Variants in ST6GALNAC5 observed in about 807,000 individuals in gnomAD.
ST6GALNAC5 encodes the protein alpha-N-acetylgalactosaminide alpha-2,6-sialyltransferase 5.
Under a neutral mutation model 33.6 loss-of-function variants are expected in ST6GALNAC5, and 27 were observed. The ratio of observed to expected loss-of-function variants is 0.80; its 90% CI spans 0.59 to 1.11. The LOEUF (loss-of-function observed/expected upper bound fraction) is 1.11, where lower values mean the gene tolerates loss of function less well. ST6GALNAC5 is among the 50% of genes least tolerant of loss of function. The pLI, the probability that ST6GALNAC5 is intolerant of heterozygous loss-of-function variation, is 0.00. For synonymous variants in ST6GALNAC5, 194 were observed against 171.2 expected (o/e 1.13, Z -1.04); for missense variants, 428 against 454.0 (o/e 0.94, Z 0.52).
At chr1:76,915,034 T>C (rs1217123494) in intron 2 of ST6GALNAC5, among the ~76,000 whole-genome samples, 1 of 151,536 alleles carries the variant, frequency 6.6e-6, no homozygotes, top group Admixed American at 6.6e-5. Flanking sequence ...GGGCAAAGGA[T>C]ATGAACAGAC....
intron 2 of ST6GALNAC5, among the ~76,000 whole-genome samples, chr1:76,983,580 C>A (rs1280896342): frequency 6.6e-6 from 1 of 152,086 alleles, no homozygotes; most frequent in Non-Finnish European, 1.5e-5. Flanking sequence ...TTTTAACACC[C>A]CACTGTCAAT....
At chr1:76,953,969 T>C (rs183318184) in intron 2 of ST6GALNAC5, among the ~76,000 whole-genome samples, 1 of 152,290 alleles carries the variant, frequency 6.6e-6, no homozygotes, top group African/African-American at 2.4e-5. Context: ...TTAAAAATAA[T>C]GCTTGTGCGT....
chr1:77,007,273 T>C (rs901288287), intron 2 of ST6GALNAC5, among the ~76,000 whole-genome samples: 4 of 152,234 alleles, frequency 2.6e-5, no homozygotes, highest in African/African-American at 7.2e-5. Context: ...AATCTGTGAA[T>C]GGAGCATAAT....
Position 77,028,463 on chromosome 1 carries a change from G to A in ST6GALNAC5, c.262-15741G>A, listed in dbSNP as rs116400378. Among the ~76,000 whole-genome samples, 409 of 152,320 alleles carry A rather than the reference G, an allele frequency of 2.7e-3. 4 individuals carry two copies. The highest frequency in any genetic ancestry group is 9.6e-3 in the African/African-American group (399 of 41,564). ...ATAGTCCTTCAAGTGACACATGAAC[G>A]AATGGAAAGCCGAAACCCACTTTCT... On this transcript the variant is annotated intron_variant, in intron 2 of 4. Transcript: ENST00000477717.
Position 76,868,736 on chromosome 1 carries a change from C to A in ST6GALNAC5, c.255C>A (p.Asp85Glu). 1 of 1,505,668 alleles carries A rather than the reference C, an allele frequency of 6.6e-7. No homozygotes were observed. Among genetic ancestry groups the A allele is most frequent in the Non-Finnish European group, 8.8e-7 (1 of 1,130,122 alleles). The allele number at this position is 1,505,668 out of a possible 1,614,324, so 93.3% of individuals were successfully genotyped here. A position where few individuals can be genotyped will look rare whatever the true frequency, so the allele number is the denominator to read the frequency against. Residue 85 changes from aspartate (D) to glutamate (E), a missense_variant, in exon 2 of 5, where the codon GAC becomes GAA. Coordinates refer to ENST00000477717, the MANE Select transcript of ST6GALNAC5 (RefSeq NM_030965.3). The surrounding 1 kb of genome is among the most constrained non-coding windows in gnomAD (Gnocchi z 4.3). Reference sequence around the variant, plus strand: ...TGGACGGATACCTCGGAGTGGCGGACCACAAGGTGACAGCATGCCCGCCAG... The same window carrying A: ...TGGACGGATACCTCGGAGTGGCGGAACACAAGGTGACAGCATGCCCGCCAG... The part of the protein sequence containing the change: ...RPLDGYLGVA[D>E]HKPLKMHCRD...
At chr1:77,054,838 G>C (rs1368240746) in intron 4 of ST6GALNAC5, among the ~76,000 whole-genome samples, 1 of 152,006 alleles carries the variant, frequency 6.6e-6, no homozygotes, top group Admixed American at 6.6e-5. Context: ...CCCCCTAAAA[G>C]TATTAAGCCC....
intron 2 of ST6GALNAC5, among the ~76,000 whole-genome samples, chr1:76,873,512 G>A (rs762225954): frequency 6.6e-5 from 10 of 152,128 alleles, no homozygotes; most frequent in Non-Finnish European, 1.3e-4. Flanking sequence ...AAGAAAGAAG[G>A]GAGTGAAGGT....
chr1:77,049,622 A>T (rs1652152620), intron 3 of ST6GALNAC5, among the ~76,000 whole-genome samples: 1 of 152,168 alleles, frequency 6.6e-6, no homozygotes. Flanking sequence ...AAATTTTCTG[A>T]TATGTAAAAT....
chr1:76,910,797 C>T (rs1455298379), intron 2 of ST6GALNAC5, among the ~76,000 whole-genome samples: 1 of 151,866 alleles, frequency 6.6e-6, no homozygotes, highest in Non-Finnish European at 1.5e-5. Context: ...AATTTATATG[C>T]CTTTCAAAAT....
At position 76,972,820 on chromosome 1, in the gene ST6GALNAC5, T is replaced by C. The variant is rs1033098775; in HGVS notation, c.262-71384T>C. Among the ~76,000 whole-genome samples the C allele has an allele frequency of 6.6e-5, 10 of 152,200 alleles. 1 individual carries two copies. Among genetic ancestry groups the C allele is most frequent in the Middle Eastern group, 3.2e-3 (1 of 316 alleles). ...TGAGTCTGCTTATTTTTACCTATCC[T>C]CACCCACAGTGCCTAATACATTTAG... On this transcript the variant is annotated intron_variant, in intron 2 of 4. Transcript: ENST00000477717.
In ST6GALNAC5 at chr1:76,868,888, C is replaced by T; in HGVS notation, c.261+146C>T. 1 of 1,259,236 alleles carries T rather than the reference C, an allele frequency of 7.9e-7. No individual in the cohort carries two copies. Among genetic ancestry groups the T allele is most frequent in the South Asian group, 1.7e-5 (1 of 60,122 alleles). 78.0% of individuals were successfully genotyped at this position (1,259,236 alleles called of 1,614,324 possible). A position where few individuals can be genotyped will look rare whatever the true frequency, so the allele number is the denominator to read the frequency against. On this transcript the variant is annotated intron_variant, in intron 2 of 4. Coordinates refer to ENST00000477717, the MANE Select transcript of ST6GALNAC5 (RefSeq NM_030965.3). The surrounding 1 kb of genome is among the most constrained non-coding windows in gnomAD (Gnocchi z 4.3). ...AGTGGACCCGCTGGGGTAGGGTGGGCTAGTTCCAACTTGGTATGAATTCTT... is the reference window on the plus strand; with the variant it reads ...AGTGGACCCGCTGGGGTAGGGTGGGTTAGTTCCAACTTGGTATGAATTCTT...
At chr1:76,888,614 CT>C (rs937428844) in intron 2 of ST6GALNAC5, among the ~76,000 whole-genome samples, 1 of 151,226 alleles carries the variant, frequency 6.6e-6, no homozygotes, top group African/African-American at 2.4e-5. Flanking sequence ...GTGCTTTGGG[CT>C]TTTTTTTAAA....
At chr1:76,957,235 G>A (rs1412028231) in intron 2 of ST6GALNAC5, among the ~76,000 whole-genome samples, 1 of 152,164 alleles carries the variant, frequency 6.6e-6, no homozygotes, top group Non-Finnish European at 1.5e-5. Context: ...AGGCTCCAGG[G>A]AAGGATCCTT....
intron 2 of ST6GALNAC5, among the ~76,000 whole-genome samples, chr1:76,990,070 G>C (rs999716727): frequency 2.0e-5 from 3 of 152,094 alleles, no homozygotes; most frequent in African/African-American, 7.2e-5. Context: ...CTCTCCTGAA[G>C]TTTATTTAAC....
intron 2 of ST6GALNAC5, among the ~76,000 whole-genome samples, chr1:77,007,301 A>G (rs542270935): frequency 1.1e-4 from 16 of 152,372 alleles, no homozygotes; most frequent in Non-Finnish European, 1.6e-4. Context: ...GAAGTTGCAT[A>G]GAGCCCTCTG....
chr1:77,044,206 C>T lies in ST6GALNAC5; in HGVS notation c.264C>T (p.Pro88=). 6.3e-7 allele frequency: 1 copy of T among 1,595,030 alleles called. No individual in the cohort carries two copies. The highest frequency in any genetic ancestry group is 8.6e-7 in the Non-Finnish European group (1 of 1,167,230). Residue 88 remains proline (P), a splice_region_variant and synonymous_variant, in exon 3 of 5, where the codon CCC becomes CCT. Transcript: ENST00000477717. ...DGYLGVADHK[P]LKMHCRDCAL... Reference sequence around the variant, plus strand: ...GTCCTTCTCCCCCTGCCTTCCAGCCCCTGAAAATGCACTGCAGGGACTGTG... The same window carrying T: ...GTCCTTCTCCCCCTGCCTTCCAGCCTCTGAAAATGCACTGCAGGGACTGTG...
At chr1:77,014,122 G>A (rs1351528858) in intron 2 of ST6GALNAC5, among the ~76,000 whole-genome samples, 1 of 152,210 alleles carries the variant, frequency 6.6e-6, no homozygotes, top group African/African-American at 2.4e-5. Flanking sequence ...GATGGAAGGG[G>A]AAGGGAGAGT....
At chr1:76,937,737 T>G (rs922275661) in intron 2 of ST6GALNAC5, among the ~76,000 whole-genome samples, 1 of 152,102 alleles carries the variant, frequency 6.6e-6, no homozygotes, top group African/African-American at 2.4e-5. Context: ...GAGGAGCACA[T>G]GAAAGAAACA....
intron 2 of ST6GALNAC5, among the ~76,000 whole-genome samples, chr1:76,985,600 G>T (rs1649462071): frequency 6.6e-6 from 1 of 152,154 alleles, no homozygotes. Flanking sequence ...GTAATTTATA[G>T]ATTCAAGGCC....
Sources: allele counts gnomAD v4.1 joint callset (sites outside exome capture counted in the v4.1 genomes callset), GRCh38; gene constraint gnomAD v4.1.1; non-coding constraint Gnocchi (gnomAD v3.1); transcripts MANE v1.5; gene names NCBI Gene and HGNC (gene_info 2026-07-23, HGNC 2026-07-21).